The following TP63 variants were observed in gnomAD, a reference collection of about 807,000 sequenced individuals.
TP63 encodes the protein tumor protein 63.
In TP63, 17 loss-of-function variants were observed where a neutral mutation model predicts 82.8. The observed-to-expected ratio is 0.21, with a 90% CI of 0.14 to 0.31. The LOEUF is 0.31. TP63 is among the 10% of genes least tolerant of loss of function. The probability of loss-of-function intolerance (pLI) is 1.00; values close to 1 mark genes in which losing one functional copy is unlikely to be tolerated. For missense variants in TP63, 648 were observed against 895.3 expected, an observed-to-expected ratio of 0.72 and a Z score of 3.52; for synonymous variants, 330 against 321.7, an observed-to-expected ratio of 1.03 and a Z score of -0.28.
chr3:189,848,042 T>TG (rs762720635), intron 4 of TP63, among the ~76,000 whole-genome samples: 3 of 152,186 alleles, frequency 2.0e-5, no homozygotes, highest in Non-Finnish European at 4.4e-5. Flanking sequence ...GTGTGGGACG[T>TG]GGGGAAGAAC....
chr3:189,804,041 G>T (rs1035804143), intron 3 of TP63, among the ~76,000 whole-genome samples: 2 of 152,028 alleles, frequency 1.3e-5, no homozygotes, highest in African/African-American at 2.4e-5. Context: ...TTTCAGATAC[G>T]CCAATAACTT....
intron 5 of TP63, among the ~76,000 whole-genome samples, chr3:189,865,584 G>T (rs1303450120): frequency 6.6e-6 from 1 of 151,958 alleles, no homozygotes; most frequent in African/African-American, 2.4e-5. Context: ...TAAAATATAA[G>T]GATTGATAAA....
At chr3:189,623,009 C>T in the TP63 span, among the ~76,000 whole-genome samples, 1 of 152,072 alleles carries the variant, frequency 6.6e-6, no homozygotes, top group African/African-American at 2.4e-5. Context: ...TTCAGTATGG[C>T]TAATTTTCAA....
chr3:189,839,692 G>GA (rs1296231982), intron 4 of TP63, among the ~76,000 whole-genome samples: 2 of 152,204 alleles, frequency 1.3e-5, no homozygotes, highest in African/African-American at 2.4e-5. Context: ...TAAATAGTGT[G>GA]ATGCAATCGT....
the TP63 span, among the ~76,000 whole-genome samples, chr3:189,603,218 GTGGAA>G: frequency 2.0e-5 from 3 of 152,134 alleles, no homozygotes; most frequent in South Asian, 6.2e-4. Flanking sequence ...TAATGCAGCA[GTGGAA>G]CCAGCAATGG....
At chr3:189,653,104 G>A (rs773806352) in intron 1 of TP63, among the ~76,000 whole-genome samples, 8 of 119,660 alleles carry the variant, frequency 6.7e-5, no homozygotes, top group African/African-American at 1.4e-4. Context: ...GTATGGCATC[G>A]CAGAAAATAG....
intron 3 of TP63, among the ~76,000 whole-genome samples, chr3:189,794,540 G>C (rs183298798): frequency 6.6e-6 from 1 of 151,992 alleles, no homozygotes. Context: ...CAAAGGGAAG[G>C]GGGGTGAGGA....
chr3:189,797,392 C>T (rs779747009), intron 3 of TP63, among the ~76,000 whole-genome samples: 16 of 152,070 alleles, frequency 1.1e-4, no homozygotes, highest in Non-Finnish European at 1.6e-4. Flanking sequence ...CAGGCATTTT[C>T]TTTTTCCTTT....
chr3:189,735,360 T>G (rs149449805), intron 1 of TP63, among the ~76,000 whole-genome samples: 177 of 152,310 alleles, frequency 1.2e-3, no homozygotes, highest in African/African-American at 4.2e-3. Flanking sequence ...TAAGGCTTAT[T>G]TAAGTTGGTT....
chr3:189,771,334 T>A (rs1723343512), intron 3 of TP63, among the ~76,000 whole-genome samples: 2 of 124,470 alleles, frequency 1.6e-5, no homozygotes, highest in South Asian at 4.5e-4. Context: ...TTATATATAA[T>A]ATATATTTAT....
chr3:189,604,025 AATATAT>A, the TP63 span, among the ~76,000 whole-genome samples: 1 of 151,972 alleles, frequency 6.6e-6, no homozygotes, highest in Admixed American at 6.6e-5. Context: ...ACACTTGAAA[AATATAT>A]ATATATTCAC....
chr3:189,776,811 T>C (rs1447582884), intron 3 of TP63, among the ~76,000 whole-genome samples: 1 of 152,210 alleles, frequency 6.6e-6, no homozygotes, highest in African/African-American at 2.4e-5. Context: ...TGGGTGGACT[T>C]GGCACACTTC....
At chr3:189,719,625 C>T (rs920950844) in intron 1 of TP63, among the ~76,000 whole-genome samples, 2 of 152,186 alleles carry the variant, frequency 1.3e-5, no homozygotes, top group Non-Finnish European at 2.9e-5. Context: ...AGCTACTCAG[C>T]TCTGCCGTCG....
the TP63 span, among the ~76,000 whole-genome samples, chr3:189,623,599 A>G: frequency 3.3e-5 from 5 of 152,318 alleles, no homozygotes; most frequent in East Asian, 9.6e-4. Flanking sequence ...CTTGTTACCA[A>G]TGGCCCCTAG....
chr3:189,654,269 T>A (rs1020933277), intron 1 of TP63, among the ~76,000 whole-genome samples: 4 of 150,630 alleles, frequency 2.7e-5, no homozygotes, highest in Non-Finnish European at 5.9e-5. Context: ...AAAATTGCAA[T>A]CATTACAAAT....
intron 3 of TP63, among the ~76,000 whole-genome samples, chr3:189,782,467 G>A (rs1484950982): frequency 2.6e-5 from 4 of 151,966 alleles, no homozygotes; most frequent in Non-Finnish European, 5.9e-5. Flanking sequence ...GTTTTAATCC[G>A]GCTATTCAAA....
intron 3 of TP63, among the ~76,000 whole-genome samples, chr3:189,771,788 G>A (rs554740456): frequency 1.2e-4 from 19 of 152,004 alleles, no homozygotes; most frequent in Admixed American, 3.9e-4. Flanking sequence ...TGCTAATGTC[G>A]GGTCAGTTCA....
intron 3 of TP63, among the ~76,000 whole-genome samples, chr3:189,802,174 A>C (rs921551206): frequency 6.6e-6 from 1 of 152,156 alleles, no homozygotes; most frequent in South Asian, 2.1e-4. Context: ...TATCCTGCTG[A>C]TATTTGGGGA....
At position 189,783,937 on chromosome 3, in the gene TP63, G is replaced by C. The variant is rs1695695119; in HGVS notation, c.325-24335G>C. 2.0e-5 allele frequency among the ~76,000 whole-genome samples: 3 copies of C among 151,656 alleles called. No individual in the cohort carries two copies. The South Asian group carries it at 6.2e-4, about 32-fold the overall frequency. On this transcript the variant is annotated intron_variant, in intron 3 of 13. Transcript: ENST00000264731. ...TTTGACCCAGTACTTTTAGTTGTAG[G>C]AGTACTTAACAGGGGAAAATACTCA... is the stretch of plus-strand genomic sequence containing the variant.
Sources: allele counts gnomAD v4.1 joint callset (sites outside exome capture counted in the v4.1 genomes callset), GRCh38; gene constraint gnomAD v4.1.1; transcripts MANE v1.5; gene names NCBI Gene and HGNC (gene_info 2026-07-23, HGNC 2026-07-21).